The following MAN1C1 variants were observed in gnomAD, a reference collection of about 807,000 sequenced individuals.
MAN1C1 encodes mannosyl-oligosaccharide 1,2-alpha-mannosidase IC.
In MAN1C1, 49 loss-of-function variants were observed where a neutral mutation model predicts 71.5. The ratio of observed to expected loss-of-function variants is 0.69; its 90% CI spans 0.54 to 0.87. The LOEUF (loss-of-function observed/expected upper bound fraction) is 0.87, where lower values mean the gene tolerates loss of function less well. Among genes scored for constraint, MAN1C1 ranks in the 40% least tolerant of loss-of-function variants. The pLI is 0.00. For synonymous variants in MAN1C1, 352 were observed against 343.7 expected, an observed-to-expected ratio of 1.02 and a Z score of -0.27; for missense variants, 743 against 835.0, an observed-to-expected ratio of 0.89 and a Z score of 1.36.
At chr1:25,693,921 G>A (rs758776951) in intron 2 of MAN1C1, among the ~76,000 whole-genome samples, 9 of 152,226 alleles carry the variant, frequency 5.9e-5, no homozygotes, top group Non-Finnish European at 1.2e-4. Flanking sequence ...GTTGATGGGT[G>A]TAAAACACCT....
chr1:25,647,683 A>G (rs543541325), intron 1 of MAN1C1, among the ~76,000 whole-genome samples: 3 of 152,070 alleles, frequency 2.0e-5, no homozygotes, highest in Non-Finnish European at 4.4e-5. Flanking sequence ...GGCTGCTTTT[A>G]TTTGCTCCCA....
At chr1:25,774,124 T>A (rs886098642) in intron 8 of MAN1C1, among the ~76,000 whole-genome samples, 1 of 152,068 alleles carries the variant, frequency 6.6e-6, no homozygotes, top group Non-Finnish European at 1.5e-5. Flanking sequence ...GGCCAATAAA[T>A]CCCAATCTGA....
intron 2 of MAN1C1, among the ~76,000 whole-genome samples, chr1:25,695,628 G>A (rs1398546786): frequency 4.6e-5 from 7 of 152,196 alleles, no homozygotes; most frequent in African/African-American, 7.2e-5. Flanking sequence ...CACACTCTGC[G>A]CTTTCCTTCT....
At chr1:25,724,504 G>A (rs1245378134) in intron 2 of MAN1C1, among the ~76,000 whole-genome samples, 4 of 151,026 alleles carry the variant, frequency 2.6e-5, no homozygotes, top group Non-Finnish European at 5.9e-5. Context: ...AAGAAAGCAA[G>A]CAGAAACATG....
intron 2 of MAN1C1, among the ~76,000 whole-genome samples, chr1:25,742,335 G>A (rs866504361): frequency 6.6e-6 from 1 of 152,184 alleles, no homozygotes; most frequent in African/African-American, 2.4e-5. Flanking sequence ...AAGGGGTCTT[G>A]GAGATAGGAG....
intron 1 of MAN1C1, chr1:25,659,139 G>A (rs2045811205): frequency 1.3e-5 from 2 of 152,260 alleles, no homozygotes; most frequent in South Asian, 4.1e-4. Flanking sequence ...GGACTTGGAT[G>A]TGACTCGGGT....
chr1:25,763,665 C>G, intron 6 of MAN1C1: 1 of 568,304 alleles, frequency 1.8e-6, no homozygotes, highest in Non-Finnish European at 3.2e-6. Context: ...ATGGATCAGG[C>G]CCTGTCACAC....
chr1:25,720,697 A>AT (rs2046751012), intron 2 of MAN1C1, among the ~76,000 whole-genome samples: 1 of 152,044 alleles, frequency 6.6e-6, no homozygotes, highest in Non-Finnish European at 1.5e-5. Context: ...CAGTGTATCG[A>AT]TTTTTTTCTT....
intron 2 of MAN1C1, among the ~76,000 whole-genome samples, chr1:25,732,568 G>T (rs2046923542): frequency 6.6e-6 from 1 of 152,228 alleles, no homozygotes; most frequent in Non-Finnish European, 1.5e-5. Context: ...TGCGTCTGCG[G>T]CGTCCGGCAT....
In MAN1C1 at chr1:25,753,435, T is replaced by G; in HGVS notation, c.835-49T>G. ...CCTGCAGCAGTTCTGGGGTTGACCT[T>G]CCCTCACCCAGCCTGGAGTCAAAAG... On this transcript the variant is annotated intron_variant, in intron 4 of 11. Transcript: ENST00000374332. The surrounding 1 kb of genome is among the most constrained non-coding windows in gnomAD (Gnocchi z 4.9). 1 of 1,471,198 alleles carries G rather than the reference T, an allele frequency of 6.8e-7. No homozygotes were observed. Among genetic ancestry groups the G allele is most frequent in the East Asian group, 2.3e-5 (1 of 42,862 alleles). 91.1% of individuals were successfully genotyped at this position (1,471,198 alleles called of 1,614,324 possible).
intron 2 of MAN1C1, among the ~76,000 whole-genome samples, chr1:25,733,511 C>A (rs906642361): frequency 6.6e-6 from 1 of 152,140 alleles, no homozygotes; most frequent in Non-Finnish European, 1.5e-5. Flanking sequence ...TCTGCCCGAA[C>A]GCTGCCCATC....
In MAN1C1 at chr1:25,735,607, G is replaced by C. The variant is rs1172869462; in HGVS notation, c.638-11061G>C. Reference sequence around the variant, plus strand: ...GTATCAGTCATCTATTTCCATAATAGGGTTGTATTATAACAAAGTATTCCA... The same window carrying C: ...GTATCAGTCATCTATTTCCATAATACGGTTGTATTATAACAAAGTATTCCA... On this transcript the variant is annotated intron_variant, in intron 2 of 11. Transcript: ENST00000374332. This position sits in a 1 kb window ranked among gnomAD's most constrained non-coding sequence, Gnocchi z 4.6. Among the ~76,000 whole-genome samples, 3 of 152,118 alleles carry C rather than the reference G, an allele frequency of 2.0e-5. No homozygotes were observed. The highest frequency in any genetic ancestry group is 1.3e-4 in the Admixed American group (2 of 15,268).
rs539960070 is a variant in MAN1C1 at position 25,778,554 on chromosome 1, C to T, written c.1477+230C>T. 2.0e-5 allele frequency among the ~76,000 whole-genome samples: 3 copies of T among 152,298 alleles called. No individual in the cohort carries two copies. Among genetic ancestry groups the T allele is most frequent in the East Asian group, 3.9e-4 (2 of 5,184 alleles). On this transcript the variant is annotated intron_variant, in intron 9 of 11. Transcript: ENST00000374332. The surrounding 1 kb of genome is among the most constrained non-coding windows in gnomAD (Gnocchi z 5.5). ...GCTTTGCATGTACCTGGTACTCTTC[C>T]GCACTTGACACAACATCACTGAACC...
intron 1 of MAN1C1, 58 bp downstream of exon 1, chr1:25,618,395 C>A: frequency 6.7e-7 from 1 of 1,498,418 alleles, no homozygotes; most frequent in South Asian, 1.2e-5. Flanking sequence ...GAGAGAAGAC[C>A]CTCTGGCGCT....
intron 7 of MAN1C1, among the ~76,000 whole-genome samples, chr1:25,766,918 T>C (rs2047434794): frequency 6.6e-6 from 1 of 151,930 alleles, no homozygotes; most frequent in Admixed American, 6.6e-5. Flanking sequence ...TGGCCCAGCC[T>C]CCTGCTGCCA....
intron 2 of MAN1C1, among the ~76,000 whole-genome samples, chr1:25,701,248 G>C (rs936416594): frequency 6.6e-6 from 1 of 152,214 alleles, no homozygotes; most frequent in Admixed American, 6.5e-5. Flanking sequence ...AGGCACCATG[G>C]GAAGGGTCCC....
In MAN1C1 at chr1:25,749,242, T is replaced by C; in HGVS notation, c.754-13T>C. The C allele has an allele frequency of 6.2e-7, 1 of 1,608,856 alleles. No homozygotes were observed. The highest frequency in any genetic ancestry group is 1.1e-5 in the South Asian group (1 of 89,804). On this transcript the variant is annotated splice_polypyrimidine_tract_variant and intron_variant, in intron 3 of 11. Transcript: ENST00000374332. ...GTGTCCCCACTGTCCCCCTCCTTCT[T>C]TCTGTCCTGCAGAGCGGAGAAGCAT...
chr1:25,781,738 G>A (rs1367022780), intron 10 of MAN1C1, among the ~76,000 whole-genome samples: 4 of 150,196 alleles, frequency 2.7e-5, no homozygotes, highest in Admixed American at 1.3e-4. Flanking sequence ...GCACTCAGAC[G>A]GGGTCCAGGG....
At chr1:25,639,984 TC>T (rs1233403818) in intron 1 of MAN1C1, among the ~76,000 whole-genome samples, 1 of 152,252 alleles carries the variant, frequency 6.6e-6, no homozygotes, top group African/African-American at 2.4e-5. Context: ...TCAAATATTT[TC>T]TCTGGGCTTT....
Sources: allele counts gnomAD v4.1 joint callset (sites outside exome capture counted in the v4.1 genomes callset), GRCh38; gene constraint gnomAD v4.1.1; non-coding constraint Gnocchi (gnomAD v3.1); transcripts MANE v1.5; gene names NCBI Gene and HGNC (gene_info 2026-07-23, HGNC 2026-07-21).